Variants in CDH8 observed in about 807,000 individuals in gnomAD.
CDH8 encodes cadherin 8.
In CDH8, 17 loss-of-function variants were observed where a neutral mutation model predicts 68.1. The ratio of observed to expected loss-of-function variants is 0.25; its 90% confidence interval spans 0.17 to 0.37. CDH8 has a LOEUF of 0.37. Ranked by LOEUF, CDH8 falls within the 10% of genes least tolerant of loss-of-function variation. The pLI, the probability that CDH8 is intolerant of heterozygous loss-of-function variation, is 1.00. For synonymous variants in CDH8, 372 were observed against 365.1 expected (o/e 1.02, Z -0.21); for missense variants, 763 against 999.3 (o/e 0.76, Z 3.19).
intron 10 of CDH8, among the ~76,000 whole-genome samples, chr16:61,696,533 T>C (rs1964330842): frequency 6.6e-6 from 1 of 152,192 alleles, no homozygotes; most frequent in Admixed American, 6.5e-5. Flanking sequence ...ATTCAAGCAC[T>C]GTGTAAATAA....
Position 61,877,866 on chromosome 16 carries a change from C to G in CDH8, c.548-20628G>C, listed in dbSNP as rs553191901. Among the ~76,000 whole-genome samples, 24 of 152,212 alleles carry G rather than the reference C, an allele frequency of 1.6e-4. No individual in the cohort carries two copies. The Middle Eastern group carries it at 0.014, about 86-fold the overall frequency. On this transcript the variant is annotated intron_variant, in intron 3 of 11. Coordinates refer to ENST00000577390, the MANE Select transcript of CDH8 (RefSeq NM_001796.5). ...TTTGGAACCTTCAGTAGCCCACAAT[C>G]ATAAACAGTAAATTAAAAACTAAAA...
chr16:61,687,887 A>G (rs966735323), intron 10 of CDH8, among the ~76,000 whole-genome samples: 1 of 152,034 alleles, frequency 6.6e-6, no homozygotes, highest in East Asian at 1.9e-4. Context: ...TCTCATTTAT[A>G]TATTATTGCA....
chr16:62,007,692 C>T (rs1432937858), intron 2 of CDH8, among the ~76,000 whole-genome samples: 1 of 152,140 alleles, frequency 6.6e-6, no homozygotes, highest in Non-Finnish European at 1.5e-5. Flanking sequence ...TTAGCCTGGG[C>T]CTAGTGAGAA....
intron 2 of CDH8, among the ~76,000 whole-genome samples, chr16:61,930,102 G>A (rs1251789335): frequency 2.6e-5 from 4 of 152,048 alleles, no homozygotes; most frequent in South Asian, 2.1e-4. Context: ...TCACAGTAGT[G>A]ATTATAACTG....
intron 4 of CDH8, among the ~76,000 whole-genome samples, chr16:61,847,143 A>T (rs989374110): frequency 2.0e-5 from 3 of 152,046 alleles, no homozygotes; most frequent in African/African-American, 7.2e-5. Flanking sequence ...AACCATGTTC[A>T]TTCTGGATTT....
At chr16:61,671,296 A>G (rs555611230) in intron 10 of CDH8, among the ~76,000 whole-genome samples, 1 of 151,930 alleles carries the variant, frequency 6.6e-6, no homozygotes, top group Non-Finnish European at 1.5e-5. Context: ...ACCGTATTCC[A>G]TTTCTTCCCT....
At chr16:61,980,585 G>GT (rs1369640697) in intron 2 of CDH8, among the ~76,000 whole-genome samples, 1 of 151,958 alleles carries the variant, frequency 6.6e-6, no homozygotes, top group Non-Finnish European at 1.5e-5. Flanking sequence ...GATGAATCCC[G>GT]TTTTTTGTAA....
intron 10 of CDH8, among the ~76,000 whole-genome samples, chr16:61,702,029 G>A (rs903594992): frequency 6.6e-6 from 1 of 152,070 alleles, no homozygotes; most frequent in Non-Finnish European, 1.5e-5. Context: ...GTTGAGTCAG[G>A]ACTATTAGCC....
chr16:61,844,817 G>T (rs1597013085), intron 4 of CDH8, among the ~76,000 whole-genome samples: 1 of 152,072 alleles, frequency 6.6e-6, no homozygotes, highest in Non-Finnish European at 1.5e-5. Flanking sequence ...ACGACCTGTG[G>T]CACATCAATA....
intron 10 of CDH8, among the ~76,000 whole-genome samples, chr16:61,706,736 A>G (rs1283427404): frequency 1.3e-5 from 2 of 152,104 alleles, no homozygotes; most frequent in African/African-American, 4.8e-5. Context: ...GAAGATAGAC[A>G]TTCAATCTCA....
intron 3 of CDH8, among the ~76,000 whole-genome samples, chr16:61,870,323 G>A (rs902728588): frequency 6.6e-6 from 1 of 152,138 alleles, no homozygotes; most frequent in East Asian, 1.9e-4. Flanking sequence ...TCGCCAGGCG[G>A]AAAGAAAAAT....
At chr16:61,673,604 A>G (rs1963839063) in intron 10 of CDH8, among the ~76,000 whole-genome samples, 1 of 152,094 alleles carries the variant, frequency 6.6e-6, no homozygotes, top group Non-Finnish European at 1.5e-5. Flanking sequence ...TGCATAAAAC[A>G]TGCATTTCTT....
chr16:61,959,984 G>GTATGTATATA (rs1555524808), intron 2 of CDH8, among the ~76,000 whole-genome samples: 1 of 44,556 alleles, frequency 2.2e-5, no homozygotes, highest in Non-Finnish European at 4.0e-5. Context: ...GTGTGTGTGT[G>GTATGTATATA]TATATATATA....
chr16:61,995,003 G>A (rs1005717328), intron 2 of CDH8, among the ~76,000 whole-genome samples: 2 of 152,142 alleles, frequency 1.3e-5, no homozygotes, highest in African/African-American at 2.4e-5. Context: ...TTAACTCTAA[G>A]TCCCGGGGAG....
intron 8 of CDH8, among the ~76,000 whole-genome samples, chr16:61,734,599 G>A (rs760317477): frequency 8.6e-5 from 13 of 151,918 alleles, no homozygotes; most frequent in Non-Finnish European, 1.8e-4. Context: ...TTTCCAGAAG[G>A]CTTTTGTTAG....
At chr16:61,700,289 T>C (rs1047916221) in intron 10 of CDH8, among the ~76,000 whole-genome samples, 1 of 151,524 alleles carries the variant, frequency 6.6e-6, no homozygotes, top group Admixed American at 6.6e-5. Context: ...TTTTTTTTTT[T>C]TTTTCTTTTG....
chr16:61,892,023 A>G (rs1220392653), intron 3 of CDH8, among the ~76,000 whole-genome samples: 2 of 152,168 alleles, frequency 1.3e-5, no homozygotes, highest in Non-Finnish European at 2.9e-5. Context: ...GATCTTTTAA[A>G]CCTATGTGAC....
At chr16:61,772,859 A>T (rs1377343979) in intron 8 of CDH8, among the ~76,000 whole-genome samples, 2 of 151,994 alleles carry the variant, frequency 1.3e-5, no homozygotes, top group Non-Finnish European at 2.9e-5. Flanking sequence ...GCACCAAAAA[A>T]TTTAAGAAAC....
chr16:62,019,238 A>G (rs991738902), intron 2 of CDH8, among the ~76,000 whole-genome samples: 57 of 152,346 alleles, frequency 3.7e-4, no homozygotes, highest in African/African-American at 2.6e-4. Context: ...TCTATACTCA[A>G]TAACTCATAA....
Sources: allele counts gnomAD v4.1 joint callset (sites outside exome capture counted in the v4.1 genomes callset), GRCh38; gene constraint gnomAD v4.1.1; transcripts MANE v1.5; gene names NCBI Gene and HGNC (gene_info 2026-07-23, HGNC 2026-07-21).